PIK3CB: variants seen among roughly 807,000 people sequenced by gnomAD.
PIK3CB encodes phosphatidylinositol-4,5-bisphosphate 3-kinase catalytic subunit beta, also known as phosphatidylinositol 4,5-bisphosphate 3-kinase catalytic subunit beta isoform.
A neutral mutation model predicts 136.8 loss-of-function variants in PIK3CB; 39 were observed. That is an observed-to-expected ratio of 0.29 (90% CI 0.22 to 0.37). PIK3CB has a LOEUF of 0.37. PIK3CB is among the 10% of genes least tolerant of loss of function. The pLI is 1.00. For synonymous variants in PIK3CB, 428 were observed against 436.6 expected (o/e 0.98, Z 0.25); for missense variants, 868 against 1,275.4 (o/e 0.68, Z 4.87).
intron 22 of PIK3CB, among the ~76,000 whole-genome samples, chr3:138,656,886 G>A (rs1037675907): frequency 2.0e-5 from 3 of 152,022 alleles, no homozygotes; most frequent in African/African-American, 7.2e-5. Flanking sequence ...TTCTGCCTCA[G>A]CCTCCTGAGT....
At chr3:138,790,098 T>A (rs2046031213) in intron 2 of PIK3CB, among the ~76,000 whole-genome samples, 1 of 152,202 alleles carries the variant, frequency 6.6e-6, no homozygotes, top group Non-Finnish European at 1.5e-5. Flanking sequence ...AAATATTGTA[T>A]GATTCCAATT....
intron 2 of PIK3CB, among the ~76,000 whole-genome samples, chr3:138,786,934 TTA>T (rs2045987360): frequency 6.6e-6 from 1 of 152,356 alleles, no homozygotes; most frequent in East Asian, 1.9e-4. Flanking sequence ...CACAATATCC[TTA>T]CTGTCTATGG....
At chr3:138,741,979 T>C (rs1003958460) in intron 5 of PIK3CB, among the ~76,000 whole-genome samples, 1 of 152,238 alleles carries the variant, frequency 6.6e-6, no homozygotes, top group African/African-American at 2.4e-5. Context: ...ATATCAACTC[T>C]ATTATAATGC....
At chr3:138,809,023 T>C (rs977924532) in intron 1 of PIK3CB, among the ~76,000 whole-genome samples, 1 of 151,864 alleles carries the variant, frequency 6.6e-6, no homozygotes, top group African/African-American at 2.4e-5. Context: ...CGGTGGCTCA[T>C]GCCTGTAATC....
At chr3:138,660,935 T>G (rs542234604) in intron 21 of PIK3CB, among the ~76,000 whole-genome samples, 1 of 152,230 alleles carries the variant, frequency 6.6e-6, no homozygotes, top group Non-Finnish European at 1.5e-5. Flanking sequence ...TGTTGATTGG[T>G]GGACTTCCTT....
At chr3:138,683,853 CTA>C (rs2043829709) in intron 17 of PIK3CB, 66 bp from the exon 18 acceptor site, 2 of 861,914 alleles carry the variant, frequency 2.3e-6, no homozygotes, top group Non-Finnish European at 2.0e-6. Flanking sequence ...AATTTTACCA[CTA>C]TATACTAGGC....
intron 15 of PIK3CB, among the ~76,000 whole-genome samples, chr3:138,690,751 A>C (rs554343128): frequency 4.6e-4 from 70 of 151,972 alleles, no homozygotes; most frequent in African/African-American, 1.7e-3. Context: ...AGGAAGGAAG[A>C]AATGAAGAAA....
intron 4 of PIK3CB, among the ~76,000 whole-genome samples, chr3:138,753,749 T>A (rs1258179167): frequency 1.3e-5 from 2 of 151,878 alleles, no homozygotes; most frequent in Non-Finnish European, 2.9e-5. Context: ...GAGGCTGCAG[T>A]GAGCTGAGAT....
chr3:138,826,415 G>T, intron 1 of PIK3CB: 1 of 1,148,708 alleles, frequency 8.7e-7, no homozygotes, highest in Non-Finnish European at 1.2e-6. Flanking sequence ...AGCCATTTAG[G>T]TTTAATAGTA....
chr3:138,798,348 A>G (rs2046132574), intron 1 of PIK3CB, among the ~76,000 whole-genome samples: 1 of 152,066 alleles, frequency 6.6e-6, no homozygotes, highest in Non-Finnish European at 1.5e-5. Context: ...TATTTTTAGT[A>G]GAGATGGGGT....
At chr3:138,754,804 T>C (rs577839334) in intron 4 of PIK3CB, among the ~76,000 whole-genome samples, 1 of 152,332 alleles carries the variant, frequency 6.6e-6, no homozygotes, top group Middle Eastern at 3.4e-3. Context: ...TATATTATCC[T>C]ATAACAGTGA....
chr3:138,727,558 C>T (rs2044867068), intron 8 of PIK3CB, among the ~76,000 whole-genome samples: 1 of 152,220 alleles, frequency 6.6e-6, no homozygotes, highest in African/African-American at 2.4e-5. Flanking sequence ...TGGAACAGAA[C>T]TGGGCCAACA....
At chr3:138,706,543 TCA>T (rs1423154674) in intron 11 of PIK3CB, among the ~76,000 whole-genome samples, 1 of 152,248 alleles carries the variant, frequency 6.6e-6, no homozygotes, top group East Asian at 1.9e-4. Flanking sequence ...TTTTATGTAT[TCA>T]GTTACATATG....
chr3:138,701,864 T>A (rs948860966), intron 12 of PIK3CB, among the ~76,000 whole-genome samples: 1 of 150,746 alleles, frequency 6.6e-6, no homozygotes, highest in Non-Finnish European at 1.5e-5. Context: ...AGGTATTTTT[T>A]AAAAAGTAGA....
At chr3:138,687,705 T>C (rs1466474904) in intron 16 of PIK3CB, among the ~76,000 whole-genome samples, 2 of 152,206 alleles carry the variant, frequency 1.3e-5, no homozygotes, top group African/African-American at 4.8e-5. Flanking sequence ...TCCTCCCACC[T>C]TAGCCTTTCA....
chr3:138,699,223 T>TAAAA, intron 12 of PIK3CB, 128 bp from the exon 13 acceptor site: 1 of 249,104 alleles, frequency 4.0e-6, no homozygotes, highest in Non-Finnish European at 7.2e-6. Flanking sequence ...TATAATTCCA[T>TAAAA]AAAAAAAAAA....
At chr3:138,704,546 T>C (rs2108549315) in intron 11 of PIK3CB, 53 bp from the exon 12 acceptor site, 5 of 1,199,302 alleles carry the variant, frequency 4.2e-6, no homozygotes, top group Middle Eastern at 2.0e-4. Context: ...TTGTAGAATT[T>C]TAAGTGTAAA....
chr3:138,736,667 A>T (rs538282019), intron 6 of PIK3CB, among the ~76,000 whole-genome samples: 60 of 152,188 alleles, frequency 3.9e-4, no homozygotes, highest in African/African-American at 1.3e-3. Flanking sequence ...GCATATTTAA[A>T]CTCCACTTTA....
At chr3:138,728,283 CA>C (rs1227881427) in intron 8 of PIK3CB, among the ~76,000 whole-genome samples, 1 of 151,962 alleles carries the variant, frequency 6.6e-6, no homozygotes, top group Non-Finnish European at 1.5e-5. Context: ...ATTATATGAC[CA>C]ACGTTATTCT....
Sources: allele counts gnomAD v4.1 joint callset (sites outside exome capture counted in the v4.1 genomes callset), GRCh38; gene constraint gnomAD v4.1.1; transcripts MANE v1.5; gene names NCBI Gene and HGNC (gene_info 2026-07-23, HGNC 2026-07-21).